Variants in CASZ1 observed in about 807,000 individuals in gnomAD.
The protein encoded by CASZ1 is castor zinc finger 1, also known as zinc finger protein castor homolog 1.
In CASZ1, 28 loss-of-function variants were observed where a neutral mutation model predicts 135.2. The ratio of observed to expected loss-of-function variants is 0.21; its 90% CI spans 0.15 to 0.28. The LOEUF is 0.28. Ranked by LOEUF, CASZ1 falls within the 10% of genes least tolerant of loss-of-function variation. The pLI is 1.00. For missense variants in CASZ1, 2,161 were observed against 2,453.3 expected (o/e 0.88, Z 2.52); for synonymous variants, 1,068 against 1,073.4 (o/e 0.99, Z 0.10).
chr1:10,789,818 CA>C (rs1640923089), intron 1 of CASZ1, among the ~76,000 whole-genome samples: 1 of 152,190 alleles, frequency 6.6e-6, no homozygotes, highest in South Asian at 2.1e-4. Flanking sequence ...GGACTTTGAA[CA>C]GGGGGAACAG....
chr1:10,716,654 T>C (rs1337114306), intron 2 of CASZ1, among the ~76,000 whole-genome samples: 1 of 152,220 alleles, frequency 6.6e-6, no homozygotes. Flanking sequence ...ACTCTGCTGT[T>C]CTGCTGACCC....
intron 18 of CASZ1, among the ~76,000 whole-genome samples, chr1:10,643,870 C>A (rs1642284819): frequency 6.6e-6 from 1 of 152,228 alleles, no homozygotes; most frequent in South Asian, 2.1e-4. Flanking sequence ...CCAACTATCG[C>A]CAAAAACACC....
intron 18 of CASZ1, among the ~76,000 whole-genome samples, chr1:10,643,668 C>T (rs1452236635): frequency 6.6e-6 from 1 of 152,228 alleles, no homozygotes; most frequent in African/African-American, 2.4e-5. Flanking sequence ...GTCCCCACAT[C>T]TCTGCTGGGG....
chr1:10,672,300 G>A (rs1475189906), intron 4 of CASZ1, among the ~76,000 whole-genome samples: 2 of 135,474 alleles, frequency 1.5e-5, no homozygotes, highest in African/African-American at 5.5e-5. Context: ...CATGCCCCGC[G>A]CCCGGGCCTC....
chr1:10,758,418 G>C (rs942829398), intron 2 of CASZ1, among the ~76,000 whole-genome samples: 2 of 145,980 alleles, frequency 1.4e-5, no homozygotes, highest in African/African-American at 5.1e-5. Flanking sequence ...TGCAACCTCC[G>C]CCTCCCGGGT....
intron 1 of CASZ1, among the ~76,000 whole-genome samples, chr1:10,765,972 A>C (rs1325645049): frequency 6.6e-6 from 1 of 152,202 alleles, no homozygotes; most frequent in Admixed American, 6.5e-5. Flanking sequence ...ACAGAGTTAT[A>C]CAAAAAAGGG....
chr1:10,729,350 T>G (rs879738895), intron 2 of CASZ1, among the ~76,000 whole-genome samples: 32 of 152,280 alleles, frequency 2.1e-4, no homozygotes, highest in South Asian at 1.0e-3. Context: ...AGGCTGGCAC[T>G]GCGGGGCAGC....
At chr1:10,688,349 C>T (rs568347682) in intron 4 of CASZ1, among the ~76,000 whole-genome samples, 5 of 152,294 alleles carry the variant, frequency 3.3e-5, no homozygotes, top group Admixed American at 1.3e-4. Context: ...AGGGAGGGCC[C>T]GGCTTTAGGG....
rs1212625170 is a variant in CASZ1, at chr1:10,700,111, A to ACACACACACACACACACACCCACCCACC, written c.-24+5380_-24+5381insGGTGGGTGGGTGTGTGTGTGTGTGTGTG. Among the ~76,000 whole-genome samples, 1 of 151,906 alleles carries ACACACACACACACACACACCCACCCACC rather than the reference A, an allele frequency of 6.6e-6. No homozygotes were observed. Among genetic ancestry groups the ACACACACACACACACACACCCACCCACC allele is most frequent in the South Asian group, 2.1e-4 (1 of 4,804 alleles). ...CACACACACACACACACACACACAC[A>ACACACACACACACACACACCCACCCACC]CACACAGAGTATGAAGCAGGGACCT... On this transcript the variant is annotated intron_variant, in intron 3 of 20. Transcript: ENST00000377022. This position sits in a 1 kb window ranked among gnomAD's most constrained non-coding sequence, Gnocchi z 4.2.
Position 10,700,070 on chromosome 1 carries a change from G to C in CASZ1, c.-24+5422C>G, listed in dbSNP as rs1466073195. Reference sequence around the variant, plus strand: ...AGAGAAAGAGAGACAGAGAGAGAAAGAGAGATAGAGACACACACACACACA... The same window carrying C: ...AGAGAAAGAGAGACAGAGAGAGAAACAGAGATAGAGACACACACACACACA... On this transcript the variant is annotated intron_variant, in intron 3 of 20. Transcript: ENST00000377022. The surrounding 1 kb of genome is among the most constrained non-coding windows in gnomAD (Gnocchi z 4.2). Among the ~76,000 whole-genome samples the C allele has an allele frequency of 8.0e-5, 7 of 87,386 alleles. No homozygotes were observed. Among genetic ancestry groups the C allele is most frequent in the Non-Finnish European group, 1.6e-4 (7 of 43,662 alleles). The allele number at this position is 87,386 out of a possible 152,430, so 57.3% of individuals were successfully genotyped here. A position where few individuals can be genotyped will look rare whatever the true frequency, so the allele number is the denominator to read the frequency against.
chr1:10,650,843 AGCCGAGCCC>A, intron 12 of CASZ1, 88 bp from the exon 13 acceptor site: 2 of 1,598,034 alleles, frequency 1.3e-6, no homozygotes, highest in Admixed American at 1.7e-5. Context: ...CTGGGGCTCC[AGCCGAGCCC>A]GCTGCAACTG....
rs1352469886 is a variant in CASZ1, at chr1:10,727,336, A to G, written c.-76-21792T>C. 1.3e-5 allele frequency among the ~76,000 whole-genome samples: 2 copies of G among 151,146 alleles called. No homozygotes were observed. The highest frequency in any genetic ancestry group is 6.6e-5 in the Admixed American group (1 of 15,192). On this transcript the variant is annotated intron_variant, in intron 2 of 20. Coordinates refer to ENST00000377022, the MANE Select transcript of CASZ1 (RefSeq NM_001079843.3). The surrounding 1 kb of genome is among the most constrained non-coding windows in gnomAD (Gnocchi z 5.3). ...TCGGCCATCCAGCTCTTCATTCACA[A>G]CTCTCCATGTGTGCTATTCTGGGTA...
rs954752151 is a variant in CASZ1, at chr1:10,709,854, G to T, written c.-76-4310C>A. On this transcript the variant is annotated intron_variant, in intron 2 of 20. Transcript: ENST00000377022. This position sits in a 1 kb window ranked among gnomAD's most constrained non-coding sequence, Gnocchi z 5.1. ...CAGTTAGCAGGACAATGAGGGGGCC[G>T]GCGGCCCGCACAGGCCAGCAGGTGC... Among the ~76,000 whole-genome samples, 1 of 152,176 alleles carries T rather than the reference G, an allele frequency of 6.6e-6. No homozygotes were observed. The highest frequency in any genetic ancestry group is 2.4e-5 in the African/African-American group (1 of 41,444).
At position 10,639,407 on chromosome 1, in the gene CASZ1, T is replaced by C; in HGVS notation, c.4815A>G (p.Ala1605=). The change falls in exon 21 of 21, where the codon GCA becomes GCG. Residue 1605 remains alanine (A), a synonymous_variant. Coordinates refer to ENST00000377022, the MANE Select transcript of CASZ1 (RefSeq NM_001079843.3). The surrounding 1 kb of genome is among the most constrained non-coding windows in gnomAD (Gnocchi z 4.0). ...TGGGAGGCCCGGGCGCGGGGCCCTC[T>C]GCCGCGGGCTCGCCGCGCTCCTGCT... ...HEKQERGEPA[A]EGPAPGPPIS... is the part of the protein sequence containing the mutation. The C allele has an allele frequency of 6.4e-7, 1 of 1,550,770 alleles. No homozygotes were observed. The highest frequency in any genetic ancestry group is 1.2e-5 in the South Asian group (1 of 84,356).
At chr1:10,750,804 C>A (rs1640137169) in intron 2 of CASZ1, among the ~76,000 whole-genome samples, 1 of 152,094 alleles carries the variant, frequency 6.6e-6, no homozygotes, top group African/African-American at 2.4e-5. Flanking sequence ...GAGGCTGAAG[C>A]AGGAGAATAG....
chr1:10,649,245 G>A (rs746132314), intron 14 of CASZ1, 38 bp downstream of exon 14: 35 of 1,606,548 alleles, frequency 2.2e-5, no homozygotes, highest in Admixed American at 1.8e-4. Context: ...GGGCGGGTGC[G>A]GGGGGACGAT....
At position 10,724,773 on chromosome 1, in the gene CASZ1, A is replaced by G. The variant is rs1196505270; in HGVS notation, c.-76-19229T>C. On this transcript the variant is annotated intron_variant, in intron 2 of 20. Transcript: ENST00000377022. The surrounding 1 kb of genome is among the most constrained non-coding windows in gnomAD (Gnocchi z 4.1). ...CTGGGAGGGAGAGGCAAGGCGGGGA[A>G]GAGGAGGCAGAGGAAGGCAGGTGGG... Among the ~76,000 whole-genome samples, 3 of 152,186 alleles carry G rather than the reference A, an allele frequency of 2.0e-5. No individual in the cohort carries two copies. The highest frequency in any genetic ancestry group is 2.9e-5 in the Non-Finnish European group (2 of 68,024).
intron 2 of CASZ1, among the ~76,000 whole-genome samples, chr1:10,760,085 G>T (rs1402031760): frequency 1.3e-5 from 2 of 152,148 alleles, no homozygotes; most frequent in Non-Finnish European, 2.9e-5. Context: ...CCTGCCTTAC[G>T]CAAAGGGCTA....
rs1191858384 is a variant in CASZ1, at chr1:10,640,163, C to A, written c.4163-104G>T. 3 of 1,486,728 alleles carry A rather than the reference C, an allele frequency of 2.0e-6. No homozygotes were observed. In the African/African-American group the frequency reaches 4.2e-5, roughly 21 times the overall value. The allele number at this position is 1,486,728 out of a possible 1,614,324, so 92.1% of individuals were successfully genotyped here. On this transcript the variant is annotated intron_variant, in intron 20 of 20. Transcript: ENST00000377022. ...CCTGATCTGGCATGGCGCCAGAGGG[C>A]GGCATTTAGGGAGCCCTCGGCTTCC...
Sources: allele counts gnomAD v4.1 joint callset (sites outside exome capture counted in the v4.1 genomes callset), GRCh38; gene constraint gnomAD v4.1.1; non-coding constraint Gnocchi (gnomAD v3.1); transcripts MANE v1.5; gene names NCBI Gene and HGNC (gene_info 2026-07-23, HGNC 2026-07-21).